The following MARCO variants were observed in gnomAD, a reference collection of about 807,000 sequenced individuals.
MARCO encodes macrophage receptor MARCO.
In MARCO, 72 loss-of-function variants were observed where a neutral mutation model predicts 70.0. That is an observed-to-expected ratio of 1.03 (90% CI 0.85 to 1.25). The LOEUF (loss-of-function observed/expected upper bound fraction) is 1.25. Among genes scored for constraint, MARCO ranks in the 50% most tolerant of loss-of-function variants. The pLI, the probability that MARCO is intolerant of heterozygous loss-of-function variation, is 0.00. For missense variants in MARCO, 696 were observed against 659.3 expected (o/e 1.06, Z -0.61); for synonymous variants, 273 against 243.1 (o/e 1.12, Z -1.14).
In MARCO at chr2:118,986,644, AGAAAGAAAGAAGGAAGGAAGGAAGGAAG is replaced by A. The variant is rs1558671564; in HGVS notation, c.1064-3933_1064-3906del. Among the ~76,000 whole-genome samples the A allele has an allele frequency of 3.1e-3, 134 of 43,102 alleles. 14 individuals carry two copies. The highest frequency in any genetic ancestry group is 0.015 in the African/African-American group (88 of 6,022). 28.3% of individuals were successfully genotyped at this position (43,102 alleles called of 152,430 possible). Reference sequence around the variant, plus strand: ...AAGAAAGAAAGAAAGAAAGAAAGAAAGAAAGAAAGAAGGAAGGAAGGAAGGAAGGAAAGAAAGAAAGAAAGAAAGAAAG... The same window carrying A: ...AAGAAAGAAAGAAAGAAAGAAAGAAAGAAAGAAAGAAAGAAAGAAAGAAAG... On this transcript the variant is annotated intron_variant, in intron 12 of 16. Coordinates refer to ENST00000327097, the MANE Select transcript of MARCO (RefSeq NM_006770.4).
chr2:118,962,299 T>A (rs1484823370), intron 1 of MARCO, among the ~76,000 whole-genome samples: 1 of 152,206 alleles, frequency 6.6e-6, no homozygotes, highest in Non-Finnish European at 1.5e-5. Context: ...ATCTATAAAT[T>A]ACTTTGGGCA....
intron 13 of MARCO, 134 bp downstream of exon 13, chr2:118,990,767 C>T: frequency 1.2e-6 from 1 of 820,266 alleles, no homozygotes; most frequent in Non-Finnish European, 2.0e-6. Context: ...CTCCAGGGCT[C>T]TGTCACTCAA....
At chr2:118,970,885 A>G (rs1680152765) in intron 3 of MARCO, among the ~76,000 whole-genome samples, 1 of 152,226 alleles carries the variant, frequency 6.6e-6, no homozygotes, top group Non-Finnish European at 1.5e-5. Flanking sequence ...CAACTGTTGT[A>G]GGGTTTACCC....
chr2:118,965,645 T>G (rs1218970004), intron 1 of MARCO, among the ~76,000 whole-genome samples: 1 of 152,232 alleles, frequency 6.6e-6, no homozygotes, highest in African/African-American at 2.4e-5. Context: ...TTGTATAGTA[T>G]GTTAGGAGAT....
rs980993603 is a variant in MARCO, at chr2:118,981,622, T to A, written c.867T>A (p.Gly289=). The A allele has an allele frequency of 1.2e-6, 2 of 1,613,782 alleles. No individual in the cohort carries two copies. Among genetic ancestry groups the A allele is most frequent in the Admixed American group, 3.3e-5 (2 of 59,968 alleles). The change falls in exon 10 of 17, where the codon GGT becomes GGA. Residue 289 remains glycine (G), a splice_region_variant and synonymous_variant. Coordinates refer to ENST00000327097, the MANE Select transcript of MARCO (RefSeq NM_006770.4). ...CCTAAAAGTTCTTTTTCATCTTAGG[T>A]TTGGCTGGTTTTCCTGGAGCTAAAG... is the stretch of plus-strand genomic sequence containing the variant. The part of the protein sequence containing the change: ...KGDFGRPGPP[G]LAGFPGAKGD...
At chr2:118,977,361 C>A in intron 6 of MARCO, 110 bp from the exon 7 acceptor site, 1 of 861,648 alleles carries the variant, frequency 1.2e-6, no homozygotes, top group African/African-American at 1.7e-5. Flanking sequence ...AGAGAAAGAT[C>A]TCCTTCTGGG....
At chr2:118,985,406 C>T (rs1460607865) in intron 12 of MARCO, among the ~76,000 whole-genome samples, 1 of 152,254 alleles carries the variant, frequency 6.6e-6, no homozygotes, top group East Asian at 1.9e-4. Context: ...CACACTCTAC[C>T]CCATTCAGGT....
intron 12 of MARCO, among the ~76,000 whole-genome samples, chr2:118,983,992 C>G (rs562259265): frequency 1.3e-5 from 2 of 152,320 alleles, no homozygotes; most frequent in South Asian, 4.2e-4. Context: ...AAAAGCAGCT[C>G]CTGCTAATGA....
At chr2:118,977,749 G>A in intron 7 of MARCO, 79 bp from the exon 8 acceptor site, 2 of 1,091,350 alleles carry the variant, frequency 1.8e-6, no homozygotes, top group Non-Finnish European at 2.7e-6. Flanking sequence ...TCTCCCAAAT[G>A]CTTCCTGCCC....
rs200857859 is a variant in MARCO at position 118,974,373 on chromosome 2, C to T, written c.501C>T (p.Ala167=). Residue 167 remains alanine (A), a synonymous_variant, in exon 5 of 17, where the codon GCC becomes GCT. Transcript: ENST00000327097. ...AGGGGGCCATGGGCATGCCTGGTGCCCCTGGCCCGCCGGGACCACCTGCTG... is the reference window on the plus strand; with the variant it reads ...AGGGGGCCATGGGCATGCCTGGTGCTCCTGGCCCGCCGGGACCACCTGCTG... ...GHKGAMGMPG[A]PGPPGPPAEK... is the part of the protein sequence containing the mutation. 13 of 1,609,148 alleles carry T rather than the reference C, an allele frequency of 8.1e-6. No homozygotes were observed. The highest frequency in any genetic ancestry group is 1.1e-5 in the Non-Finnish European group (13 of 1,178,120).
intron 1 of MARCO, among the ~76,000 whole-genome samples, chr2:118,950,940 T>C (rs766503152): frequency 3.3e-5 from 5 of 152,254 alleles, no homozygotes; most frequent in Non-Finnish European, 5.9e-5. Flanking sequence ...AATTTTACTT[T>C]TGTTGAAAAC....
At chr2:118,969,803 T>G (rs918207783) in intron 2 of MARCO, among the ~76,000 whole-genome samples, 1 of 151,956 alleles carries the variant, frequency 6.6e-6, no homozygotes, top group African/African-American at 2.4e-5. Flanking sequence ...ATGTTAGCTG[T>G]CATGCATCTA....
intron 1 of MARCO, among the ~76,000 whole-genome samples, chr2:118,963,784 T>G (rs1336938419): frequency 6.6e-6 from 1 of 152,194 alleles, no homozygotes; most frequent in Non-Finnish European, 1.5e-5. Flanking sequence ...TTATAGCACA[T>G]TGTTGGATTA....
intron 1 of MARCO, among the ~76,000 whole-genome samples, chr2:118,955,621 C>T (rs1304328357): frequency 6.6e-6 from 1 of 152,074 alleles, no homozygotes; most frequent in Non-Finnish European, 1.5e-5. Flanking sequence ...AAATTCGTTG[C>T]AAAAAGATCT....
intron 12 of MARCO, among the ~76,000 whole-genome samples, 181 bp from the exon 13 acceptor site, chr2:118,990,408 A>G (rs1363717024): frequency 6.6e-6 from 1 of 152,148 alleles, no homozygotes; most frequent in African/African-American, 2.4e-5. Flanking sequence ...ACCTGTTCTC[A>G]TTCATCTGCA....
At chr2:118,966,289 T>A (rs1252656883) in intron 1 of MARCO, among the ~76,000 whole-genome samples, 1 of 152,248 alleles carries the variant, frequency 6.6e-6, no homozygotes, top group Non-Finnish European at 1.5e-5. Flanking sequence ...CCCATACTCA[T>A]CAAGGTTTAC....
intron 12 of MARCO, among the ~76,000 whole-genome samples, chr2:118,988,507 C>T (rs1173541082): frequency 6.6e-6 from 1 of 151,902 alleles, no homozygotes; most frequent in Non-Finnish European, 1.5e-5. Context: ...GACTCTTGGC[C>T]CCTTCTATCT....
intron 1 of MARCO, among the ~76,000 whole-genome samples, chr2:118,958,033 C>T (rs1341159930): frequency 6.6e-6 from 1 of 152,030 alleles, no homozygotes; most frequent in Non-Finnish European, 1.5e-5. Flanking sequence ...GACAAACCCA[C>T]AGACAACATA....
chr2:118,968,161 C>T (rs897540715), intron 1 of MARCO, among the ~76,000 whole-genome samples: 2 of 152,180 alleles, frequency 1.3e-5, no homozygotes, highest in African/African-American at 4.8e-5. Flanking sequence ...AACTGCAGGG[C>T]CTTCTGCAGT....
Sources: gnomAD v4.1 joint callset for allele counts (sites outside exome capture counted in the v4.1 genomes callset) on GRCh38, gnomAD v4.1.1 for gene constraint, MANE v1.5 for transcripts, NCBI Gene and HGNC (gene_info 2026-07-23, HGNC 2026-07-21) for gene names.